The following PHF14 variants were observed in gnomAD, a reference collection of about 807,000 sequenced individuals.
PHF14 encodes the protein PHD finger protein 14.
PHF14 carries 55 observed loss-of-function variants against 117.9 expected under a neutral mutation model. The ratio of observed to expected loss-of-function variants is 0.47; its 90% CI spans 0.38 to 0.58. The LOEUF (loss-of-function observed/expected upper bound fraction) is 0.58, where lower values mean the gene tolerates loss of function less well. PHF14 is among the 20% of genes least tolerant of loss of function. The pLI is 0.00. For synonymous variants in PHF14, 409 were observed against 368.6 expected, an observed-to-expected ratio of 1.11 and a Z score of -1.26; for missense variants, 978 against 1,122.2, an observed-to-expected ratio of 0.87 and a Z score of 1.84.
chr7:11,060,510 G>A (rs1440633500), intron 14 of PHF14, among the ~76,000 whole-genome samples: 1 of 152,154 alleles, frequency 6.6e-6, no homozygotes, highest in Non-Finnish European at 1.5e-5. Context: ...TTAAACTTAT[G>A]TGTATTTGAC....
At chr7:11,105,762 A>G (rs1403213307) in intron 16 of PHF14, 12 of 984,740 alleles carry the variant, frequency 1.2e-5, no homozygotes, top group Middle Eastern at 5.2e-4. Context: ...AGGCCTGCCG[A>G]TAAGATTCAC....
At chr7:11,114,737 A>G (rs749225242) in intron 17 of PHF14, among the ~76,000 whole-genome samples, 19 of 152,116 alleles carry the variant, frequency 1.2e-4, no homozygotes, top group Non-Finnish European at 2.5e-4. Flanking sequence ...ATTTACATAC[A>G]TGGAGGCACA....
At chr7:10,984,379 A>G (rs1270084112) in intron 3 of PHF14, among the ~76,000 whole-genome samples, 5 of 152,126 alleles carry the variant, frequency 3.3e-5, no homozygotes, top group South Asian at 2.1e-4. Context: ...CCTGCCTTCA[A>G]TGTCATTCTA....
rs35700406 is a variant in PHF14, at chr7:11,009,035, C to CAA, written c.1046-4696_1046-4695dup. Reference sequence around the variant, plus strand: ...TGGGCGACAGAGTGAGACTCTGTCTCAAAAAAAAAAAAAAAAAGTCTTTTT... The same window carrying CAA: ...TGGGCGACAGAGTGAGACTCTGTCTCAAAAAAAAAAAAAAAAAAAGTCTTTTT... On this transcript the variant is annotated intron_variant, in intron 4 of 17. Coordinates refer to ENST00000634607, the MANE Select transcript of PHF14 (RefSeq NM_001007157.2). 5.8e-3 allele frequency among the ~76,000 whole-genome samples: 583 copies of CAA among 101,344 alleles called. 3 individuals carry two copies. Among genetic ancestry groups the CAA allele is most frequent in the African/African-American group, 0.018 (433 of 24,364 alleles). 66.5% of individuals were successfully genotyped at this position (101,344 alleles called of 152,430 possible).
intron 16 of PHF14, chr7:11,102,480 G>A: frequency 6.2e-7 from 1 of 1,608,884 alleles, no homozygotes; most frequent in Non-Finnish European, 8.5e-7. Context: ...TCACTTTACT[G>A]TGTAGATACC....
At position 10,985,636 on chromosome 7, in the gene PHF14, C is replaced by CCGGTTTTTTTTTTTTTTTTTTTTT. The variant is rs750860479; in HGVS notation, c.900+2477_900+2478insCGGTTTTTTTTTTTTTTTTTTTTT. Among the ~76,000 whole-genome samples, 14 of 90,864 alleles carry CCGGTTTTTTTTTTTTTTTTTTTTT rather than the reference C, an allele frequency of 1.5e-4. No homozygotes were observed. In the East Asian group the frequency reaches 3.7e-3, roughly 24 times the overall value. 59.6% of individuals were successfully genotyped at this position (90,864 alleles called of 152,430 possible). A position where few individuals can be genotyped will look rare whatever the true frequency, so the allele number is the denominator to read the frequency against. On this transcript the variant is annotated intron_variant, in intron 3 of 17. Coordinates refer to ENST00000634607, the MANE Select transcript of PHF14 (RefSeq NM_001007157.2). Reference sequence around the variant, plus strand: ...ATACTCTCTAGCAGTGATTCTCAAACTGTTTTTTTTTTTTTTTTTTTTTTT... The same window carrying CCGGTTTTTTTTTTTTTTTTTTTTT: ...ATACTCTCTAGCAGTGATTCTCAAACCGGTTTTTTTTTTTTTTTTTTTTTTGTTTTTTTTTTTTTTTTTTTTTTT...
In PHF14 at chr7:11,124,740, A is replaced by G. The variant is rs539602319; in HGVS notation, c.2772+13273A>G. ...CTGTGTTTTAGAAACTAGATTTTAT[A>G]TATTAAAATAGGTATTTTCTATTTC... On this transcript the variant is annotated intron_variant, in intron 17 of 17. Transcript: ENST00000634607. Among the ~76,000 whole-genome samples, 38 of 152,248 alleles carry G rather than the reference A, an allele frequency of 2.5e-4. No individual in the cohort carries two copies. The South Asian group carries it at 7.5e-3, about 30-fold the overall frequency.
At position 11,106,373 on chromosome 7, in the gene PHF14, C is replaced by T. The variant is rs111521152; in HGVS notation, c.2655-4977C>T. On this transcript the variant is annotated intron_variant, in intron 16 of 17. Transcript: ENST00000634607. ...TAATGAAATAGGTTCAAGCCCTCCA[C>T]GTTAGTCTTATATTTGTGAAATGAT... is the stretch of plus-strand genomic sequence containing the variant. 2,681 of 974,676 alleles carry T rather than the reference C, an allele frequency of 2.8e-3. 42 individuals carry two copies. The African/African-American group carries it at 0.043, about 16-fold the overall frequency. 60.4% of individuals were successfully genotyped at this position (974,676 alleles called of 1,614,324 possible).
At chr7:11,102,815 T>C in intron 16 of PHF14, 2 of 1,289,796 alleles carry the variant, frequency 1.6e-6, no homozygotes, top group Non-Finnish European at 2.0e-6. Context: ...TGTTGAAAAA[T>C]ACTGGATACA....
At chr7:10,996,595 A>G (rs1192774353) in intron 4 of PHF14, among the ~76,000 whole-genome samples, 4 of 150,118 alleles carry the variant, frequency 2.7e-5, no homozygotes, top group Non-Finnish European at 5.9e-5. Context: ...GAGGTTATTG[A>G]AAAAAAAAAC....
intron 7 of PHF14, among the ~76,000 whole-genome samples, chr7:11,030,898 C>T (rs796501034): frequency 2.6e-5 from 4 of 151,984 alleles, no homozygotes; most frequent in African/African-American, 4.8e-5. Flanking sequence ...GTTTTCTGAA[C>T]GATATTTCAA....
intron 5 of PHF14, among the ~76,000 whole-genome samples, chr7:11,019,355 A>G (rs1054398634): frequency 3.5e-4 from 53 of 152,320 alleles, no homozygotes; most frequent in African/African-American, 1.2e-3. Flanking sequence ...CAGCGAAGCC[A>G]TCAGGTCAAG....
At chr7:11,146,385 C>A (rs1000963330) in intron 17 of PHF14, among the ~76,000 whole-genome samples, 2 of 152,222 alleles carry the variant, frequency 1.3e-5, no homozygotes, top group South Asian at 4.1e-4. Context: ...ATCCTCATCC[C>A]TTCTCCAGCT....
intron 17 of PHF14, among the ~76,000 whole-genome samples, chr7:11,124,455 T>C (rs895079816): frequency 1.2e-4 from 19 of 152,138 alleles, no homozygotes; most frequent in African/African-American, 4.1e-4. Flanking sequence ...ATAAACATTT[T>C]TAAAATAAGA....
chr7:11,047,135 C>T (rs553561750), intron 13 of PHF14, among the ~76,000 whole-genome samples: 1 of 151,424 alleles, frequency 6.6e-6, no homozygotes, highest in South Asian at 2.1e-4. Flanking sequence ...GTGGCACAAT[C>T]GCAACTCACC....
intron 17 of PHF14, among the ~76,000 whole-genome samples, chr7:11,166,187 A>G (rs1411194241): frequency 6.6e-6 from 1 of 152,182 alleles, no homozygotes; most frequent in Non-Finnish European, 1.5e-5. Flanking sequence ...GTAGCCTCAA[A>G]GGATACATTT....
At chr7:11,068,654 A>G (rs1371648423) in intron 16 of PHF14, among the ~76,000 whole-genome samples, 1 of 152,196 alleles carries the variant, frequency 6.6e-6, no homozygotes, top group Non-Finnish European at 1.5e-5. Context: ...ACAGAGCTGT[A>G]CACTTAAAAA....
intron 17 of PHF14, among the ~76,000 whole-genome samples, chr7:11,120,437 GT>G (rs1389661350): frequency 1.3e-5 from 2 of 151,942 alleles, no homozygotes; most frequent in African/African-American, 4.8e-5. Context: ...GTAATTTTCT[GT>G]TTCATTTTCT....
chr7:11,039,087 T>G (rs1784417247), intron 11 of PHF14, among the ~76,000 whole-genome samples: 2 of 152,130 alleles, frequency 1.3e-5, no homozygotes, highest in African/African-American at 4.8e-5. Context: ...TGTGCAAAAT[T>G]TTTTCATTTG....
Sources: allele counts gnomAD v4.1 joint callset (sites outside exome capture counted in the v4.1 genomes callset), GRCh38; gene constraint gnomAD v4.1.1; transcripts MANE v1.5; gene names NCBI Gene and HGNC (gene_info 2026-07-23, HGNC 2026-07-21).